Variants in B3GALT1 observed in about 807,000 individuals in gnomAD.
B3GALT1 encodes beta-1,3-galactosyltransferase 1.
A neutral mutation model predicts 23.2 loss-of-function variants in B3GALT1; 10 were observed. That is an observed-to-expected ratio of 0.43 (90% CI 0.27 to 0.73). The LOEUF (loss-of-function observed/expected upper bound fraction) is 0.73, where lower values mean the gene tolerates loss of function less well. B3GALT1 is among the 30% of genes least tolerant of loss of function. The probability of loss-of-function intolerance (pLI) is 0.21; values close to 1 mark genes in which losing one functional copy is unlikely to be tolerated. For synonymous variants in B3GALT1, 156 were observed against 141.5 expected, an observed-to-expected ratio of 1.10 and a Z score of -0.73; for missense variants, 299 against 405.4, an observed-to-expected ratio of 0.74 and a Z score of 2.25.
At chr2:167,570,472 C>T (rs971760228) in intron 2 of B3GALT1, among the ~76,000 whole-genome samples, 3 of 151,832 alleles carry the variant, frequency 2.0e-5, no homozygotes, top group Non-Finnish European at 4.4e-5. Context: ...TTCAATAATG[C>T]TATAAATGTT....
At chr2:167,325,094 T>C (rs1696871978) in intron 1 of B3GALT1, among the ~76,000 whole-genome samples, 2 of 152,280 alleles carry the variant, frequency 1.3e-5, no homozygotes, top group African/African-American at 4.8e-5. Flanking sequence ...TTTTAAAAAG[T>C]CCCATTTATC....
intron 3 of B3GALT1, among the ~76,000 whole-genome samples, chr2:167,710,484 G>T (rs1469306638): frequency 1.3e-5 from 2 of 152,224 alleles, no homozygotes; most frequent in African/African-American, 4.8e-5. Flanking sequence ...AACTGCTCGG[G>T]AAGTTTCTGT....
chr2:167,563,280 C>CCGA (rs1684055807), intron 2 of B3GALT1, among the ~76,000 whole-genome samples: 4 of 140,602 alleles, frequency 2.8e-5, no homozygotes, highest in African/African-American at 1.1e-4. Flanking sequence ...GGCAGAGGGG[C>CCGA]TCCTCACTTC....
At chr2:167,548,509 T>C (rs1310371277) in intron 2 of B3GALT1, among the ~76,000 whole-genome samples, 1 of 152,206 alleles carries the variant, frequency 6.6e-6, no homozygotes. Flanking sequence ...TGGGCCCTTC[T>C]TCTCCTTTTC....
chr2:167,564,756 A>G (rs950810888), intron 2 of B3GALT1, among the ~76,000 whole-genome samples: 6 of 152,254 alleles, frequency 3.9e-5, no homozygotes, highest in Non-Finnish European at 7.3e-5. Context: ...CCCATTCACA[A>G]TTGCTTCAAA....
At chr2:167,723,449 C>T (rs1687263408) in intron 3 of B3GALT1, among the ~76,000 whole-genome samples, 1 of 151,994 alleles carries the variant, frequency 6.6e-6, no homozygotes, top group Admixed American at 6.6e-5. Flanking sequence ...TTGACATATA[C>T]TTCAAAATAT....
intron 3 of B3GALT1, among the ~76,000 whole-genome samples, chr2:167,711,924 T>C (rs1365241024): frequency 2.0e-5 from 3 of 152,194 alleles, no homozygotes; most frequent in Non-Finnish European, 4.4e-5. Flanking sequence ...GCTGAGATCA[T>C]GCCACTACAC....
At chr2:167,738,548 A>T (rs1298762804) in intron 3 of B3GALT1, among the ~76,000 whole-genome samples, 1 of 152,148 alleles carries the variant, frequency 6.6e-6, no homozygotes, top group Non-Finnish European at 1.5e-5. Flanking sequence ...ACCACAATGG[A>T]GTTCTTATGT....
At chr2:167,640,191 A>C (rs1225620321) in intron 2 of B3GALT1, among the ~76,000 whole-genome samples, 2 of 152,060 alleles carry the variant, frequency 1.3e-5, no homozygotes, top group East Asian at 3.9e-4. Flanking sequence ...TAGAAAAAAA[A>C]TTGATCTTGC....
chr2:167,756,404 A>G (rs1166507554), intron 3 of B3GALT1, among the ~76,000 whole-genome samples: 3 of 152,236 alleles, frequency 2.0e-5, no homozygotes, highest in African/African-American at 7.2e-5. Flanking sequence ...ATGTTGGTCT[A>G]TGTAGACAAA....
chr2:167,397,291 CT>C (rs11308819), intron 1 of B3GALT1, among the ~76,000 whole-genome samples: 140,000 of 151,042 alleles, frequency 0.93, 65,468 homozygotes, highest in Non-Finnish European at 0.99. Flanking sequence ...CCTTCTATTC[CT>C]TTTTTTTCCA....
intron 4 of B3GALT1, among the ~76,000 whole-genome samples, chr2:167,831,990 G>A (rs1245599250): frequency 6.6e-6 from 1 of 152,206 alleles, no homozygotes; most frequent in African/African-American, 2.4e-5. Flanking sequence ...TAAAAAGCCA[G>A]TCAACAGACA....
chr2:167,594,291 C>T (rs1684737199), intron 2 of B3GALT1, among the ~76,000 whole-genome samples: 1 of 152,112 alleles, frequency 6.6e-6, no homozygotes, highest in Non-Finnish European at 1.5e-5. Context: ...GCTCAGTAAA[C>T]CATAGGTCGT....
intron 1 of B3GALT1, among the ~76,000 whole-genome samples, chr2:167,359,893 AAAAT>A (rs1390850941): frequency 6.6e-6 from 1 of 152,182 alleles, no homozygotes; most frequent in Admixed American, 6.5e-5. Context: ...TATTAGGAAA[AAAAT>A]AAAGCCCCAC....
chr2:167,732,559 A>G (rs966510263), intron 3 of B3GALT1, among the ~76,000 whole-genome samples: 9 of 152,212 alleles, frequency 5.9e-5, no homozygotes, highest in African/African-American at 1.7e-4. Context: ...CTGCAGAACA[A>G]CCGCTTCCAT....
At chr2:167,830,803 A>T (rs1435345293) in intron 4 of B3GALT1, among the ~76,000 whole-genome samples, 1 of 152,242 alleles carries the variant, frequency 6.6e-6, no homozygotes, top group Non-Finnish European at 1.5e-5. Context: ...AAATACATGC[A>T]CAGTCTAATT....
At chr2:167,747,817 G>T (rs1213703779) in intron 3 of B3GALT1, among the ~76,000 whole-genome samples, 1 of 152,148 alleles carries the variant, frequency 6.6e-6, no homozygotes, top group Non-Finnish European at 1.5e-5. Flanking sequence ...ATGGGCTAGA[G>T]GTTGTTTATT....
chr2:167,564,044 G>A (rs1684093327), intron 2 of B3GALT1, among the ~76,000 whole-genome samples: 1 of 150,614 alleles, frequency 6.6e-6, no homozygotes, highest in African/African-American at 2.4e-5. Context: ...CTGCTGGGAG[G>A]AGACGCTCCT....
intron 1 of B3GALT1, among the ~76,000 whole-genome samples, chr2:167,453,111 A>G (rs1699113912): frequency 6.6e-6 from 1 of 152,334 alleles, no homozygotes; most frequent in African/African-American, 2.4e-5. Flanking sequence ...GTCAAGAGGA[A>G]GTTGGTGGCT....
Sources: allele counts gnomAD v4.1 joint callset (sites outside exome capture counted in the v4.1 genomes callset), GRCh38; gene constraint gnomAD v4.1.1; transcripts MANE v1.5; gene names NCBI Gene and HGNC (gene_info 2026-07-23, HGNC 2026-07-21).